CAMTA1: variants seen among roughly 807,000 people sequenced by gnomAD.
CAMTA1 encodes calmodulin-binding transcription activator 1.
In CAMTA1, 27 loss-of-function variants were observed where a neutral mutation model predicts 170.9. The observed-to-expected ratio is 0.16, with a 90% CI of 0.12 to 0.22. The LOEUF is 0.22. Ranked by LOEUF, CAMTA1 falls within the 10% of genes least tolerant of loss-of-function variation. The probability of loss-of-function intolerance (pLI) is 1.00; values close to 1 mark genes in which losing one functional copy is unlikely to be tolerated. For synonymous variants in CAMTA1, 833 were observed against 891.5 expected (o/e 0.93, Z 1.17); for missense variants, 1,619 against 2,217.2 (o/e 0.73, Z 5.42).
At chr1:7,553,198 C>CATGA (rs1557904637) in intron 6 of CAMTA1, among the ~76,000 whole-genome samples, 5 of 151,704 alleles carry the variant, frequency 3.3e-5, no homozygotes, top group African/African-American at 1.2e-4. Context: ...TGAGTGAATG[C>CATGA]ATGAATGAGT....
intron 6 of CAMTA1, among the ~76,000 whole-genome samples, chr1:7,504,761 C>T (rs1049484756): frequency 2.0e-5 from 3 of 152,272 alleles, no homozygotes; most frequent in Admixed American, 1.3e-4. Context: ...GGAATAGCGG[C>T]TCTGGACCGT....
At position 7,195,658 on chromosome 1, in the gene CAMTA1, G is replaced by T. The variant is rs1228560448; in HGVS notation, c.303-53833G>T. 6.6e-6 allele frequency among the ~76,000 whole-genome samples: 1 copy of T among 152,200 alleles called. No homozygotes were observed. The highest frequency in any genetic ancestry group is 1.5e-5 in the Non-Finnish European group (1 of 68,034). ...GAGACCACTCTGACCCCATGAGGAG[G>T]TTGGCTTGTGAGTGCTTATATTTAG... On this transcript the variant is annotated intron_variant, in intron 4 of 22. Coordinates refer to ENST00000303635, the MANE Select transcript of CAMTA1 (RefSeq NM_015215.4). The surrounding 1 kb of genome is among the most constrained non-coding windows in gnomAD (Gnocchi z 4.1).
At chr1:7,618,631 C>A (rs551936128) in intron 6 of CAMTA1, among the ~76,000 whole-genome samples, 6 of 152,286 alleles carry the variant, frequency 3.9e-5, no homozygotes, top group Non-Finnish European at 4.4e-5. Context: ...TAGTAAAAGG[C>A]CACACATCAG....
At position 7,455,837 on chromosome 1, in the gene CAMTA1, G is replaced by A. The variant is rs903490833; in HGVS notation, c.439-11993G>A. On this transcript the variant is annotated intron_variant, in intron 5 of 22. Transcript: ENST00000303635. This position sits in a 1 kb window ranked among gnomAD's most constrained non-coding sequence, Gnocchi z 5.0. The stretch of plus-strand genomic sequence containing the variant: ...CCTCCGTGCCGTCCAGAATGGCCTC[G>A]GGGAGTGGGCTCCTGGCATCTGCAT... Among the ~76,000 whole-genome samples, 7 of 152,342 alleles carry A rather than the reference G, an allele frequency of 4.6e-5. No homozygotes were observed. Among genetic ancestry groups the A allele is most frequent in the Admixed American group, 6.5e-5 (1 of 15,308 alleles).
At chr1:7,564,509 T>C (rs150114419) in intron 6 of CAMTA1, among the ~76,000 whole-genome samples, 1,765 of 152,336 alleles carry the variant, frequency 0.012, 13 homozygotes, top group Non-Finnish European at 0.018. Context: ...CTCTGTTTCC[T>C]GGGATGGCCC....
intron 6 of CAMTA1, among the ~76,000 whole-genome samples, chr1:7,474,933 C>T (rs753177358): frequency 6.6e-6 from 1 of 152,192 alleles, no homozygotes; most frequent in African/African-American, 2.4e-5. Context: ...GAGCTGTGAG[C>T]TCGGTCATGG....
chr1:6,995,302 T>TTTTTTTC (rs1557943251), intron 3 of CAMTA1, among the ~76,000 whole-genome samples: 5 of 113,204 alleles, frequency 4.4e-5, no homozygotes, highest in African/African-American at 1.6e-4. Flanking sequence ...TTTCTTTTTT[T>TTTTTTTC]TTTTTTTTTT....
At position 7,633,500 on chromosome 1, in the gene CAMTA1, C is replaced by T. The variant is rs538213008; in HGVS notation, c.511-6900C>T. On this transcript the variant is annotated intron_variant, in intron 6 of 22. Transcript: ENST00000303635. The surrounding 1 kb of genome is among the most constrained non-coding windows in gnomAD (Gnocchi z 4.1). ...GATGGACACCGACTCCTTCCCCGCA[C>T]CCTAGTCTCTGTCTGTCCCTCTAGA... is the stretch of plus-strand genomic sequence containing the variant. Among the ~76,000 whole-genome samples, 2 of 152,228 alleles carry T rather than the reference C, an allele frequency of 1.3e-5. No individual in the cohort carries two copies. The highest frequency in any genetic ancestry group is 2.4e-5 in the African/African-American group (1 of 41,464).
At chr1:6,786,283 C>T (rs992252584) in intron 1 of CAMTA1, among the ~76,000 whole-genome samples, 2 of 151,780 alleles carry the variant, frequency 1.3e-5, no homozygotes, top group African/African-American at 2.4e-5. Flanking sequence ...GGGGCCTGCG[C>T]AGCATCCCCG....
At chr1:7,703,966 C>A (rs2149532236) in intron 11 of CAMTA1, among the ~76,000 whole-genome samples, 1 of 152,184 alleles carries the variant, frequency 6.6e-6, no homozygotes, top group East Asian at 1.9e-4. Flanking sequence ...GGAGCCTGCA[C>A]TCCAGCTAAG....
Position 7,642,909 on chromosome 1 carries a change from T to C in CAMTA1, c.664+2356T>C, listed in dbSNP as rs2095775837. 6.6e-6 allele frequency among the ~76,000 whole-genome samples: 1 copy of C among 152,210 alleles called. No homozygotes were observed. The highest frequency in any genetic ancestry group is 1.5e-5 in the Non-Finnish European group (1 of 68,028). On this transcript the variant is annotated intron_variant, in intron 7 of 22. Coordinates refer to ENST00000303635, the MANE Select transcript of CAMTA1 (RefSeq NM_015215.4). This position sits in a 1 kb window ranked among gnomAD's most constrained non-coding sequence, Gnocchi z 6.3. ...GTCCAAGGGGCTGAGGCTGCCAGCC[T>C]GTCCCATTTCTTGGGAGGTGGAGTC...
chr1:6,856,477 ACAGT>A (rs1294635339), intron 3 of CAMTA1, among the ~76,000 whole-genome samples: 3 of 152,100 alleles, frequency 2.0e-5, no homozygotes. Flanking sequence ...GGCTGATAGG[ACAGT>A]CAGTCATTCA....
intron 5 of CAMTA1, among the ~76,000 whole-genome samples, chr1:7,358,792 T>G (rs1456761305): frequency 6.6e-6 from 1 of 152,156 alleles, no homozygotes. Flanking sequence ...AATGAGGCCT[T>G]GGAGTCTTGT....
chr1:6,873,681 TTTTC>T (rs2149006587), intron 3 of CAMTA1, among the ~76,000 whole-genome samples: 1 of 152,374 alleles, frequency 6.6e-6, no homozygotes, highest in Non-Finnish European at 1.5e-5. Flanking sequence ...ATCAGTTAGA[TTTTC>T]TTTAAAGTTT....
chr1:7,467,545 C>T (rs1206556057), intron 5 of CAMTA1, among the ~76,000 whole-genome samples: 1 of 152,210 alleles, frequency 6.6e-6, no homozygotes, highest in Non-Finnish European at 1.5e-5. Context: ...GGTACATTTC[C>T]CTGGTCCTTG....
chr1:7,601,603 A>T (rs2095443567), intron 6 of CAMTA1, among the ~76,000 whole-genome samples: 1 of 152,152 alleles, frequency 6.6e-6, no homozygotes, highest in South Asian at 2.1e-4. Context: ...TGGGAGGTGG[A>T]GGTTGTAGCG....
chr1:7,531,553 G>T (rs1382114209), intron 6 of CAMTA1, among the ~76,000 whole-genome samples: 1 of 152,260 alleles, frequency 6.6e-6, no homozygotes, highest in Non-Finnish European at 1.5e-5. Flanking sequence ...TCTCCAGGAA[G>T]GAGATCAATT....
chr1:7,112,266 G>A (rs151050724), intron 4 of CAMTA1, among the ~76,000 whole-genome samples: 1,819 of 152,286 alleles, frequency 0.012, 38 homozygotes, highest in African/African-American at 0.041. Context: ...ACATTGGACT[G>A]TATGACCCTT....
intron 3 of CAMTA1, among the ~76,000 whole-genome samples, chr1:6,989,117 C>T (rs55812164): frequency 0.14 from 21,132 of 152,116 alleles, 1,561 homozygotes; most frequent in Non-Finnish European, 0.18. Flanking sequence ...AGGTTCCAGC[C>T]CTCAGGTGAG....
Sources: gnomAD v4.1 joint callset for allele counts (sites outside exome capture counted in the v4.1 genomes callset) on GRCh38, gnomAD v4.1.1 for gene constraint, Gnocchi (gnomAD v3.1) non-coding constraint, MANE v1.5 for transcripts, NCBI Gene and HGNC (gene_info 2026-07-23, HGNC 2026-07-21) for gene names.